Variants in ETV6 observed in about 807,000 individuals in gnomAD.
The protein encoded by ETV6 is ETS variant transcription factor 6.
A neutral mutation model predicts 51.1 loss-of-function variants in ETV6; 16 were observed. The ratio of observed to expected loss-of-function variants is 0.31; its 90% CI spans 0.21 to 0.48. ETV6 has a LOEUF of 0.48. ETV6 is among the 20% of genes least tolerant of loss of function. The pLI is 0.99. For missense variants in ETV6, 458 were observed against 594.8 expected (o/e 0.77, Z 2.39); for synonymous variants, 240 against 224.1 (o/e 1.07, Z -0.64).
At chr12:11,887,329 C>T (rs986497089) in intron 7 of ETV6, among the ~76,000 whole-genome samples, 3 of 152,162 alleles carry the variant, frequency 2.0e-5, no homozygotes, top group African/African-American at 7.2e-5. Context: ...ATATCCAGCT[C>T]TAAAATCTCC....
intron 1 of ETV6, among the ~76,000 whole-genome samples, chr12:11,717,841 T>A (rs1865306215): frequency 6.6e-6 from 1 of 152,178 alleles, no homozygotes; most frequent in South Asian, 2.1e-4. Context: ...CTCAGCCTGA[T>A]CAGTGGTATC....
intron 3 of ETV6, among the ~76,000 whole-genome samples, chr12:11,846,989 C>T (rs1345624304): frequency 6.6e-6 from 1 of 152,220 alleles, no homozygotes; most frequent in Non-Finnish European, 1.5e-5. Flanking sequence ...TCTCCTGCCT[C>T]AGCCTCCCGA....
At chr12:11,731,405 G>A (rs1160890051) in intron 1 of ETV6, among the ~76,000 whole-genome samples, 1 of 152,148 alleles carries the variant, frequency 6.6e-6, no homozygotes, top group Non-Finnish European at 1.5e-5. Context: ...TAAGAATGCA[G>A]GATGCTTATG....
chr12:11,736,622 G>A (rs998823003), intron 1 of ETV6, among the ~76,000 whole-genome samples: 3 of 152,216 alleles, frequency 2.0e-5, no homozygotes, highest in Non-Finnish European at 4.4e-5. Context: ...GAACAGACTT[G>A]ATGGGATGGG....
chr12:11,783,139 G>T (rs1311579158), intron 2 of ETV6, among the ~76,000 whole-genome samples: 1 of 152,072 alleles, frequency 6.6e-6, no homozygotes, highest in Non-Finnish European at 1.5e-5. Flanking sequence ...CAGATGAGGA[G>T]CAAGGGATGG....
intron 1 of ETV6, among the ~76,000 whole-genome samples, chr12:11,726,144 T>C (rs1000461046): frequency 6.6e-6 from 1 of 152,224 alleles, no homozygotes; most frequent in Non-Finnish European, 1.5e-5. Context: ...TTATGTACTC[T>C]AGAAATGTAC....
At chr12:11,656,723 C>T (rs898828631) in intron 1 of ETV6, among the ~76,000 whole-genome samples, 41 of 152,148 alleles carry the variant, frequency 2.7e-4, no homozygotes, top group African/African-American at 8.9e-4. Context: ...CTTCATGAAG[C>T]GGTTGGAAAT....
chr12:11,840,959 C>T (rs916668930), intron 3 of ETV6: 1 of 160,188 alleles, frequency 6.2e-6, no homozygotes, highest in African/African-American at 2.4e-5. Flanking sequence ...CGTTATATAT[C>T]TGGAGGAAAA....
At chr12:11,675,366 C>T (rs2120717928) in intron 1 of ETV6, among the ~76,000 whole-genome samples, 1 of 152,324 alleles carries the variant, frequency 6.6e-6, no homozygotes, top group South Asian at 2.1e-4. Context: ...TAAAGTATTA[C>T]CTATCACTGA....
chr12:11,880,505 A>T (rs1046779934), intron 5 of ETV6, among the ~76,000 whole-genome samples: 1 of 148,340 alleles, frequency 6.7e-6, no homozygotes, highest in Non-Finnish European at 1.5e-5. Flanking sequence ...TTAAGCCCTT[A>T]CATTGGAGAA....
intron 1 of ETV6, among the ~76,000 whole-genome samples, chr12:11,742,298 C>T (rs191411433): frequency 9.2e-4 from 140 of 152,288 alleles, no homozygotes; most frequent in Non-Finnish European, 1.7e-3. Flanking sequence ...GTCAGTAGAA[C>T]TTGCTTTAGT....
chr12:11,737,851 A>G (rs533379536), intron 1 of ETV6, among the ~76,000 whole-genome samples: 2 of 152,224 alleles, frequency 1.3e-5, no homozygotes, highest in African/African-American at 2.4e-5. Context: ...ACTGAGACTC[A>G]GATCTGCCCC....
At chr12:11,676,473 C>T (rs1864423448) in intron 1 of ETV6, among the ~76,000 whole-genome samples, 1 of 152,222 alleles carries the variant, frequency 6.6e-6, no homozygotes, top group Non-Finnish European at 1.5e-5. Context: ...TTGGACTGCC[C>T]TTGCCCACAC....
intron 3 of ETV6, among the ~76,000 whole-genome samples, chr12:11,845,835 G>C (rs561651993): frequency 6.6e-6 from 1 of 151,826 alleles, no homozygotes; most frequent in African/African-American, 2.4e-5. Flanking sequence ...TACCAAAAAT[G>C]CAAAAAATCA....
chr12:11,715,670 T>C (rs544382698), intron 1 of ETV6, among the ~76,000 whole-genome samples: 116 of 152,358 alleles, frequency 7.6e-4, no homozygotes, highest in African/African-American at 2.6e-3. Flanking sequence ...AGGTCACACA[T>C]TGTTTTCCTT....
At chr12:11,744,246 G>A (rs1865867234) in intron 1 of ETV6, among the ~76,000 whole-genome samples, 1 of 152,178 alleles carries the variant, frequency 6.6e-6, no homozygotes, top group Non-Finnish European at 1.5e-5. Context: ...GCCCCAGGCA[G>A]GGACAACGCA....
chr12:11,686,559 G>T (rs1003917947), intron 1 of ETV6, among the ~76,000 whole-genome samples: 4 of 152,090 alleles, frequency 2.6e-5, no homozygotes, highest in Non-Finnish European at 5.9e-5. Context: ...ATGCAGTCTC[G>T]CTCTGTTGCC....
intron 2 of ETV6, among the ~76,000 whole-genome samples, chr12:11,780,241 A>G (rs1339252994): frequency 1.3e-5 from 2 of 152,102 alleles, no homozygotes; most frequent in African/African-American, 4.8e-5. Context: ...TTAAGTTGAG[A>G]TTATATTAAT....
chr12:11,859,374 C>T (rs554294653), intron 4 of ETV6, among the ~76,000 whole-genome samples: 40 of 151,880 alleles, frequency 2.6e-4, no homozygotes, highest in African/African-American at 9.4e-4. Context: ...ATCTCCTGAC[C>T]TCGTGATCCG....
Sources: allele counts gnomAD v4.1 joint callset (sites outside exome capture counted in the v4.1 genomes callset), GRCh38; gene constraint gnomAD v4.1.1; transcripts MANE v1.5; gene names NCBI Gene and HGNC (gene_info 2026-07-23, HGNC 2026-07-21).